Variants in ARHGAP32 observed in about 807,000 individuals in gnomAD.
ARHGAP32 encodes the protein Rho GTPase activating protein 32.
ARHGAP32 carries 51 observed loss-of-function variants against 186.5 expected under a neutral mutation model. The observed-to-expected ratio is 0.27, with a 90% CI of 0.22 to 0.35. ARHGAP32 has a LOEUF of 0.35. ARHGAP32 is among the 10% of genes least tolerant of loss of function. The pLI, the probability that ARHGAP32 is intolerant of heterozygous loss-of-function variation, is 1.00. For missense variants in ARHGAP32, 2,186 were observed against 2,623.5 expected, an observed-to-expected ratio of 0.83 and a Z score of 3.64; for synonymous variants, 950 against 964.3, an observed-to-expected ratio of 0.99 and a Z score of 0.27.
chr11:129,066,232 A>G (rs1940684243), intron 7 of ARHGAP32, among the ~76,000 whole-genome samples: 1 of 152,002 alleles, frequency 6.6e-6, no homozygotes, highest in South Asian at 2.1e-4. Context: ...ACCTTATCCC[A>G]TCTACTTTTT....
At chr11:128,973,752 T>C (rs1417930523) in intron 21 of ARHGAP32, 6 of 520,854 alleles carry the variant, frequency 1.2e-5, no homozygotes, top group South Asian at 3.2e-5. Context: ...TAGACTGTTA[T>C]TATGAACAGT....
At chr11:129,210,552 C>A (rs148323071) in intron 1 of ARHGAP32, among the ~76,000 whole-genome samples, 2 of 152,086 alleles carry the variant, frequency 1.3e-5, no homozygotes, top group African/African-American at 4.8e-5. Flanking sequence ...AAATTATTAC[C>A]CAGTCCAAAG....
At chr11:129,232,049 A>G (rs948683960) in intron 1 of ARHGAP32, among the ~76,000 whole-genome samples, 21 of 141,062 alleles carry the variant, frequency 1.5e-4, no homozygotes, top group Admixed American at 1.2e-3. Flanking sequence ...AAAAAAAAAA[A>G]AGAGACTGCA....
Position 129,164,329 on chromosome 11 carries a change from A to G in ARHGAP32, c.215T>C (p.Leu72Pro). 1 of 1,554,414 alleles carries G rather than the reference A, an allele frequency of 6.4e-7. No homozygotes were observed. Residue 72 changes from leucine to proline, a missense_variant, in exon 2 of 23, where the codon CTT becomes CCT. Leu to Pro is a moderately conservative substitution (Grantham distance 98). Around this residue, in one of 5 missense-constraint regions of ARHGAP32, gnomAD observed 108 missense variants for 116.8 expected, o/e 0.92. Coordinates refer to ENST00000682385, the MANE Select transcript of ARHGAP32 (RefSeq NM_001378024.1). ...PRERPDWEETLSAMARGADVP... is the reference protein window; with the variant it reads ...PRERPDWEETPSAMARGADVP... ...ATAAAACTGATTTACCATTGCGCTA[A>G]GAGTTTCTTCCCAATCAGGCCGCTC...
intron 5 of ARHGAP32, among the ~76,000 whole-genome samples, chr11:129,106,361 G>A (rs560935431): frequency 7.9e-5 from 12 of 152,040 alleles, no homozygotes; most frequent in Admixed American, 2.6e-4. Context: ...AAAAAACCAC[G>A]TCCTTTGCAG....
intron 13 of ARHGAP32, 39 bp downstream of exon 13, chr11:128,987,984 A>T: frequency 7.9e-7 from 1 of 1,265,812 alleles, no homozygotes; most frequent in Non-Finnish European, 1.1e-6. Context: ...CATTTTAATT[A>T]GTTAAGAAGG....
At chr11:129,099,714 T>C (rs1029254434) in intron 5 of ARHGAP32, among the ~76,000 whole-genome samples, 5 of 151,062 alleles carry the variant, frequency 3.3e-5, no homozygotes, top group African/African-American at 1.2e-4. Context: ...TATATGATAA[T>C]AGAAGGTTCA....
At chr11:129,150,279 C>T (rs559933526) in intron 2 of ARHGAP32, among the ~76,000 whole-genome samples, 41 of 152,156 alleles carry the variant, frequency 2.7e-4, no homozygotes, top group African/African-American at 9.9e-4. Context: ...CCTTGGCCTT[C>T]CTAGAGATCT....
Position 128,968,365 on chromosome 11 carries a change from G to C in ARHGAP32, c.*542C>G, listed in dbSNP as rs1300398422. ...GCCAACTGTCTGACTGACCTTGAAG[G>C]ATCAGGGATTTTTCCACGACTCTAA... On this transcript the variant is annotated 3_prime_UTR_variant, in exon 23 of 23. Transcript: ENST00000682385. 6.6e-6 allele frequency: 1 copy of C among 152,090 alleles called. No homozygotes were observed. The highest frequency in any genetic ancestry group is 6.6e-5 in the Admixed American group (1 of 15,262). 9.4% of individuals were successfully genotyped at this position (152,090 alleles called of 1,614,324 possible).
At chr11:129,095,847 G>T (rs1336269192) in intron 5 of ARHGAP32, among the ~76,000 whole-genome samples, 1 of 152,198 alleles carries the variant, frequency 6.6e-6, no homozygotes, top group Admixed American at 6.5e-5. Flanking sequence ...CAGTTCAGAA[G>T]ATCTGGGCTT....
intron 5 of ARHGAP32, among the ~76,000 whole-genome samples, chr11:129,111,311 G>A (rs561092539): frequency 6.6e-6 from 1 of 152,266 alleles, no homozygotes; most frequent in South Asian, 2.1e-4. Context: ...TGTGCTGTTG[G>A]ATTCAGTTTG....
At chr11:129,268,595 C>T (rs1284715939) in intron 1 of ARHGAP32, among the ~76,000 whole-genome samples, 1 of 133,038 alleles carries the variant, frequency 7.5e-6, no homozygotes, top group African/African-American at 2.8e-5. Context: ...ACCAAAGTTA[C>T]ACCCTGAAGT....
intron 1 of ARHGAP32, among the ~76,000 whole-genome samples, chr11:129,259,675 G>A (rs1945297264): frequency 6.6e-6 from 1 of 151,982 alleles, no homozygotes; most frequent in Non-Finnish European, 1.5e-5. Flanking sequence ...AATAAGAACT[G>A]CAGAGGAAGA....
In ARHGAP32 at chr11:129,002,805, A is replaced by ATTTTT. The variant is rs36036048; in HGVS notation, c.1046-4342_1046-4338dup. On this transcript the variant is annotated intron_variant, in intron 11 of 22. Transcript: ENST00000682385. ...GGGGTTTTATCATGAAGGGATGTTG[A>ATTTTT]TTTTTTTTTTTTTTTTTTTTTGAGA... Among the ~76,000 whole-genome samples, 556 of 108,044 alleles carry ATTTTT rather than the reference A, an allele frequency of 5.1e-3. 14 individuals are homozygous for ATTTTT. The highest frequency in any genetic ancestry group is 6.5e-3 in the African/African-American group (180 of 27,828). The allele number at this position is 108,044 out of a possible 152,430, so 70.9% of individuals were successfully genotyped here.
intron 1 of ARHGAP32, among the ~76,000 whole-genome samples, chr11:129,190,754 C>A: frequency 6.6e-6 from 1 of 152,094 alleles, no homozygotes; most frequent in East Asian, 1.9e-4. Context: ...AGTTTTATTA[C>A]AAGCAAAACA....
At chr11:129,228,758 T>C (rs1591707182) in intron 1 of ARHGAP32, among the ~76,000 whole-genome samples, 1 of 152,250 alleles carries the variant, frequency 6.6e-6, no homozygotes, top group Admixed American at 6.5e-5. Flanking sequence ...GCATGCAGGC[T>C]TAATACCTAG....
chr11:129,142,988 T>C (rs1040294502), intron 2 of ARHGAP32, among the ~76,000 whole-genome samples: 3 of 146,054 alleles, frequency 2.1e-5, no homozygotes, highest in African/African-American at 7.6e-5. Context: ...TCATTTCTGC[T>C]TAAAATATAG....
At chr11:129,055,758 G>A (rs1288530026) in intron 10 of ARHGAP32, among the ~76,000 whole-genome samples, 8 of 152,178 alleles carry the variant, frequency 5.3e-5, no homozygotes, top group African/African-American at 1.9e-4. Context: ...AGGTTGTGAA[G>A]GGTTCAGCAG....
In ARHGAP32 at chr11:128,986,640, C is replaced by T. The variant is rs749240777; in HGVS notation, c.1327G>A (p.Asp443Asn). The T allele has an allele frequency of 4.3e-6, 7 of 1,613,932 alleles. No individual in the cohort carries two copies. The change falls in exon 14 of 23, where the codon GAC (aspartate) becomes AAC (asparagine). Residue 443 changes from aspartate to asparagine, a missense_variant. Coordinates refer to ENST00000682385, the MANE Select transcript of ARHGAP32 (RefSeq NM_001378024.1). ...TGAACATACGGTTCTTTCGTCAGGTCGGGGACGTGCTCAGAGTCAAATTCA... is the reference window on the plus strand; with the variant it reads ...TGAACATACGGTTCTTTCGTCAGGTTGGGGACGTGCTCAGAGTCAAATTCA... Reference protein sequence around the residue: ...RHEFDSEHVPDLTKEPYVQDI... With the variant: ...RHEFDSEHVPNLTKEPYVQDI...
Sources: allele counts gnomAD v4.1 joint callset (sites outside exome capture counted in the v4.1 genomes callset), GRCh38; gene constraint gnomAD v4.1.1; regional missense constraint gnomAD v4.1.1; transcripts MANE v1.5; gene names NCBI Gene and HGNC (gene_info 2026-07-23, HGNC 2026-07-21).